The following SUCO variants were observed in gnomAD, a reference collection of about 807,000 sequenced individuals.
SUCO encodes the protein SUN domain containing ossification factor, also known as SUN domain-containing ossification factor.
Under a neutral mutation model 148.1 loss-of-function variants are expected in SUCO, and 57 were observed. That is an observed-to-expected ratio of 0.38 (90% CI 0.31 to 0.48). The LOEUF (loss-of-function observed/expected upper bound fraction) is 0.48, where lower values mean the gene tolerates loss of function less well. Ranked by LOEUF, SUCO falls within the 20% of genes least tolerant of loss-of-function variation. The pLI is 0.96. For missense variants in SUCO, 1,331 were observed against 1,468.2 expected, an observed-to-expected ratio of 0.91 and a Z score of 1.53; for synonymous variants, 470 against 502.7, an observed-to-expected ratio of 0.93 and a Z score of 0.87.
At chr1:172,606,494 A>G (rs1657877588) in intron 22 of SUCO, among the ~76,000 whole-genome samples, 1 of 151,626 alleles carries the variant, frequency 6.6e-6, no homozygotes, top group Non-Finnish European at 1.5e-5. Flanking sequence ...TAAAACTCTT[A>G]TTTGTCCCAA....
At chr1:172,602,540 T>A (rs1657595077) in intron 21 of SUCO, 156 bp from the exon 22 acceptor site, 2 of 979,630 alleles carry the variant, frequency 2.0e-6, no homozygotes, top group South Asian at 9.4e-5. Flanking sequence ...GATCTCTAAA[T>A]TTTTTTTTCC....
In SUCO at chr1:172,578,506, G is replaced by A. The variant is rs185782083; in HGVS notation, c.1432+117G>A. On this transcript the variant is annotated intron_variant, in intron 14 of 23. Transcript: ENST00000263688. ...ATATGACTGTTGTCTTCAGGCTTTTGTTTTGTTGTTTTTAACTCTAATCAA... is the reference window on the plus strand; with the variant it reads ...ATATGACTGTTGTCTTCAGGCTTTTATTTTGTTGTTTTTAACTCTAATCAA... The A allele has an allele frequency of 4.6e-5, 63 of 1,371,808 alleles. No individual in the cohort carries two copies. The African/African-American group carries it at 9.1e-4, about 20-fold the overall frequency. 85.0% of individuals were successfully genotyped at this position (1,371,808 alleles called of 1,614,324 possible).
At chr1:172,542,661 C>G in intron 1 of SUCO, 1 of 884,980 alleles carries the variant, frequency 1.1e-6, no homozygotes, top group Non-Finnish European at 1.4e-6. Context: ...CCCACCCCAT[C>G]CATGGCAAAG....
chr1:172,610,405 A>G lies in SUCO; in HGVS notation c.*146A>G, dbSNP rs545489515. The G allele has an allele frequency of 6.2e-6, 8 of 1,288,122 alleles. No individual in the cohort carries two copies. In the South Asian group the frequency reaches 1.1e-4, roughly 18 times the overall value. 79.8% of individuals were successfully genotyped at this position (1,288,122 alleles called of 1,614,324 possible). On this transcript the variant is annotated 3_prime_UTR_variant, in exon 24 of 24. Coordinates refer to ENST00000263688, the MANE Select transcript of SUCO (RefSeq NM_014283.5). ...TGGTTTCTACCTTTTTAAAAAGTAG[A>G]TGGGATTGTGTCAATCTTGGTTAAT...
intron 1 of SUCO, among the ~76,000 whole-genome samples, chr1:172,541,004 A>T (rs1191647351): frequency 6.6e-6 from 1 of 151,932 alleles, no homozygotes; most frequent in Non-Finnish European, 1.5e-5. Flanking sequence ...ATTGTGCTAG[A>T]TTTGTTTTTA....
At chr1:172,572,092 C>T (rs1323542471) in intron 9 of SUCO, among the ~76,000 whole-genome samples, 2 of 120,128 alleles carry the variant, frequency 1.7e-5, no homozygotes, top group Admixed American at 1.6e-4. Context: ...GGTCAGCCCC[C>T]GCCTGGCAAG....
intron 22 of SUCO, among the ~76,000 whole-genome samples, chr1:172,604,435 T>G (rs1431790242): frequency 2.6e-5 from 4 of 151,990 alleles, no homozygotes; most frequent in Non-Finnish European, 5.9e-5. Flanking sequence ...GTTATGGCAT[T>G]TATCATAGTA....
intron 6 of SUCO, among the ~76,000 whole-genome samples, chr1:172,566,505 A>G (rs781092646): frequency 1.2e-4 from 19 of 152,248 alleles, no homozygotes; most frequent in Non-Finnish European, 2.6e-4. Context: ...CACCTAGGAA[A>G]GAATTCAAGG....
rs1293909717 is a variant in SUCO at position 172,609,933 on chromosome 1, T to A, written c.3439T>A (p.Phe1147Ile). 6.2e-7 allele frequency: 1 copy of A among 1,613,708 alleles called. No individual in the cohort carries two copies. Among genetic ancestry groups the A allele is most frequent in the African/African-American group, 1.3e-5 (1 of 74,858 alleles). The change falls in exon 24 of 24, where the codon TTT becomes ATT. Residue 1147 changes from phenylalanine to isoleucine, a missense_variant. Coordinates refer to ENST00000263688, the MANE Select transcript of SUCO (RefSeq NM_014283.5). ...AAAGCCCTTTACGAACCAGAGAGATTTTTCTAATATGGGAGAAGTTTATCA... is the reference window on the plus strand; with the variant it reads ...AAAGCCCTTTACGAACCAGAGAGATATTTCTAATATGGGAGAAGTTTATCA... ...GRKPFTNQRD[F>I]SNMGEVYHSS...
chr1:172,567,263 C>G (rs901836101), intron 6 of SUCO, among the ~76,000 whole-genome samples: 7 of 152,156 alleles, frequency 4.6e-5, no homozygotes, highest in Non-Finnish European at 7.3e-5. Flanking sequence ...AGATTTTGTA[C>G]ACTTCTCAAT....
At chr1:172,599,419 A>G (rs1657354444) in intron 19 of SUCO, 4 of 825,706 alleles carry the variant, frequency 4.8e-6, no homozygotes, top group Non-Finnish European at 5.8e-6. Context: ...TAAAGTATGC[A>G]TACAAACTAT....
intron 4 of SUCO, 147 bp downstream of exon 4, chr1:172,556,170 C>A: frequency 1.7e-6 from 1 of 598,976 alleles, no homozygotes; most frequent in Non-Finnish European, 2.9e-6. Context: ...GTTTTGTGTG[C>A]GTATGTGTGC....
Position 172,533,211 on chromosome 1 carries a change from C to G in SUCO, c.-225C>G, listed in dbSNP as rs1025580636. 9.9e-6 allele frequency: 15 copies of G among 1,518,960 alleles called. No homozygotes were observed. Among genetic ancestry groups the G allele is most frequent in the Middle Eastern group, 2.3e-4 (1 of 4,276 alleles). 94.1% of individuals were successfully genotyped at this position (1,518,960 alleles called of 1,614,324 possible). A position where few individuals can be genotyped will look rare whatever the true frequency, so the allele number is the denominator to read the frequency against. On this transcript the variant is annotated 5_prime_UTR_variant, in exon 1 of 24. Transcript: ENST00000263688. ...GACGAGCCGGTGGCTGCAGCGGCGG[C>G]GGTCCCCGGAGTCCTGTGAAGCGCC...
chr1:172,585,747 G>T (rs1028226550), intron 16 of SUCO, 111 bp from the exon 17 acceptor site: 7 of 685,612 alleles, frequency 1.0e-5, no homozygotes, highest in Middle Eastern at 3.0e-4. Flanking sequence ...GTCTGCAGTA[G>T]CAAACCTATT....
chr1:172,532,948 C>T (rs1651698107), upstream of SUCO: 2 of 1,361,290 alleles, frequency 1.5e-6, no homozygotes, highest in Non-Finnish European at 1.9e-6. Context: ...GGCTTCTCCG[C>T]CTGCGACGTC....
rs765356073 is a variant in SUCO, at chr1:172,557,307, G to A, written c.471G>A (p.Pro157=). Residue 157 remains proline (P), a synonymous_variant, in exon 5 of 24, where the codon CCG becomes CCA. Coordinates refer to ENST00000263688, the MANE Select transcript of SUCO (RefSeq NM_014283.5). The part of the protein sequence containing the change: ...LDEIEKSGTI[P]IAKPSETEQS... ...AAATAGAAAAATCTGGTACTATTCC[G>A]ATAGCCAAACCAAGTGAAACTGAGC... The A allele has an allele frequency of 6.2e-6, 10 of 1,613,300 alleles. No homozygotes were observed. The highest frequency in any genetic ancestry group is 2.2e-5 in the East Asian group (1 of 44,876).
At chr1:172,540,862 A>G (rs910436566) in intron 1 of SUCO, among the ~76,000 whole-genome samples, 1 of 152,226 alleles carries the variant, frequency 6.6e-6, no homozygotes, top group East Asian at 1.9e-4. Context: ...TAAGAGTGGT[A>G]GTAAACAGAA....
At chr1:172,547,856 G>A (rs1005180399) in intron 1 of SUCO, among the ~76,000 whole-genome samples, 17 of 152,148 alleles carry the variant, frequency 1.1e-4, no homozygotes, top group African/African-American at 4.1e-4. Context: ...TCCCTATTCT[G>A]TGGAAATAGA....
At position 172,533,505 on chromosome 1, in the gene SUCO, G is replaced by A; in HGVS notation, c.62+8G>A. 2 of 1,542,370 alleles carry A rather than the reference G, an allele frequency of 1.3e-6. No homozygotes were observed. Among genetic ancestry groups the A allele is most frequent in the African/African-American group, 2.7e-5 (2 of 73,216 alleles). On this transcript the variant is annotated splice_region_variant and intron_variant, in intron 1 of 23. Coordinates refer to ENST00000263688, the MANE Select transcript of SUCO (RefSeq NM_014283.5). ...TCTGTGCTCTCTGGTCTGGTGAGTA[G>A]CCGCGACGACAAGGGAGTTCCCGTG...
Sources: allele counts gnomAD v4.1 joint callset (sites outside exome capture counted in the v4.1 genomes callset), GRCh38; gene constraint gnomAD v4.1.1; transcripts MANE v1.5; gene names NCBI Gene and HGNC (gene_info 2026-07-23, HGNC 2026-07-21).